The following PRDM11 variants were observed in gnomAD, a reference collection of about 807,000 sequenced individuals.
PRDM11 encodes the protein PR domain-containing protein 11.
In PRDM11, 20 loss-of-function variants were observed where a neutral mutation model predicts 97.8. The observed-to-expected ratio is 0.20, with a 90% CI of 0.14 to 0.30. The LOEUF is 0.30. Ranked by LOEUF, PRDM11 falls within the 10% of genes least tolerant of loss-of-function variation. The pLI, the probability that PRDM11 is intolerant of heterozygous loss-of-function variation, is 1.00. For synonymous variants in PRDM11, 599 were observed against 637.7 expected (o/e 0.94, Z 0.91); for missense variants, 1,139 against 1,555.2 (o/e 0.73, Z 4.50).
chr11:45,115,996 T>C lies in PRDM11; in HGVS notation c.96+20095T>C, dbSNP rs143089363. Reference sequence around the variant, plus strand: ...TGATATTATTATCAGGTTAAACATGTTTTAAAACAATCAGTATCAGCTGAG... The same window carrying C: ...TGATATTATTATCAGGTTAAACATGCTTTAAAACAATCAGTATCAGCTGAG... On this transcript the variant is annotated intron_variant, in intron 1 of 6. Transcript: ENST00000530656. 6.6e-5 allele frequency among the ~76,000 whole-genome samples: 10 copies of C among 150,384 alleles called. No homozygotes were observed. In the East Asian group the frequency reaches 1.9e-3, roughly 29 times the overall value.
At chr11:45,161,947 A>G (rs528554194) in intron 1 of PRDM11, among the ~76,000 whole-genome samples, 17 of 152,354 alleles carry the variant, frequency 1.1e-4, no homozygotes, top group African/African-American at 3.6e-4. Flanking sequence ...TGGGAATGGT[A>G]GCCAGGCCAT....
chr11:45,190,390 T>C (rs1178572282), intron 4 of PRDM11, among the ~76,000 whole-genome samples: 1 of 151,790 alleles, frequency 6.6e-6, no homozygotes, highest in African/African-American at 2.4e-5. Flanking sequence ...TCAGGCAATC[T>C]GCCCGCCTCG....
intron 4 of PRDM11, among the ~76,000 whole-genome samples, chr11:45,186,949 T>C (rs547701870): frequency 1.6e-4 from 24 of 152,290 alleles, no homozygotes; most frequent in Non-Finnish European, 3.1e-4. Context: ...GAGCAGTTAA[T>C]AGCTACCCTG....
chr11:45,141,737 G>A (rs540632250), upstream of PRDM11, among the ~76,000 whole-genome samples: 22 of 152,294 alleles, frequency 1.4e-4, no homozygotes, highest in East Asian at 5.8e-4. Context: ...TCCTGAGAAC[G>A]GACTGCACTG....
chr11:45,165,956 GCA>G (rs1430232749), intron 1 of PRDM11, among the ~76,000 whole-genome samples: 1 of 152,118 alleles, frequency 6.6e-6, no homozygotes, highest in Non-Finnish European at 1.5e-5. Flanking sequence ...GCTTTGCATT[GCA>G]CAGACTCCAG....
At chr11:45,150,875 C>A (rs935948665) in intron 1 of PRDM11, among the ~76,000 whole-genome samples, 1 of 152,184 alleles carries the variant, frequency 6.6e-6, no homozygotes, top group African/African-American at 2.4e-5. Context: ...ATACCCTGCA[C>A]TGAAAACAGC....
intron 6 of PRDM11, 26 bp from the exon 7 acceptor site, chr11:45,224,191 C>A: frequency 6.5e-7 from 1 of 1,540,942 alleles, no homozygotes; most frequent in South Asian, 1.3e-5. Flanking sequence ...TTCCCCATTT[C>A]CTTACACCCT....
intron 1 of PRDM11, among the ~76,000 whole-genome samples, chr11:45,102,643 C>A (rs1851997866): frequency 6.6e-6 from 1 of 152,156 alleles, no homozygotes; most frequent in East Asian, 1.9e-4. Flanking sequence ...CACCGTGCCA[C>A]AGCCTCCTTC....
intron 1 of PRDM11, among the ~76,000 whole-genome samples, chr11:45,181,368 G>A (rs1852493655): frequency 6.6e-6 from 1 of 152,186 alleles, no homozygotes; most frequent in African/African-American, 2.4e-5. Flanking sequence ...CTACCCCTTG[G>A]CCCAAGTTGG....
Position 45,224,496 on chromosome 11 carries a change from C to A in PRDM11, c.1022C>A (p.Ala341Asp), listed in dbSNP as rs1222812559. Residue 341 changes from alanine (A) to aspartate (D), a missense_variant, in exon 7 of 8, where the codon GCC becomes GAC. Coordinates refer to ENST00000683152, the MANE Select transcript of PRDM11 (RefSeq NM_001384648.1). ...AAAGTCCCCAAATACCAGGATGACG[C>A]CTACAGTCAGTGTGCAACAACAATG... Reference protein sequence around the residue: ...IRKVPKYQDDAYSQCATTMTH... With the variant: ...IRKVPKYQDDDYSQCATTMTH... 3.1e-6 allele frequency: 5 copies of A among 1,614,176 alleles called. No individual in the cohort carries two copies. In the Admixed American group the frequency reaches 8.3e-5, roughly 27 times the overall value.
chr11:45,213,870 G>A (rs1853870448), intron 5 of PRDM11: 1 of 393,736 alleles, frequency 2.5e-6, no homozygotes, highest in South Asian at 1.9e-5. Context: ...ATCTGGAGTA[G>A]TGGGAAGAGG....
chr11:45,112,601 T>C (rs1010757465), intron 1 of PRDM11, among the ~76,000 whole-genome samples: 46 of 152,320 alleles, frequency 3.0e-4, no homozygotes, highest in African/African-American at 1.1e-3. Flanking sequence ...CCAACACCTA[T>C]TGTTTTTTGA....
intron 1 of PRDM11, among the ~76,000 whole-genome samples, chr11:45,172,549 T>G (rs1449796843): frequency 6.6e-6 from 1 of 152,132 alleles, no homozygotes; most frequent in Non-Finnish European, 1.5e-5. Flanking sequence ...TCTGTTTTAT[T>G]AGCCAGGAAC....
At chr11:45,110,940 C>T (rs1417309465) in intron 1 of PRDM11, among the ~76,000 whole-genome samples, 2 of 152,070 alleles carry the variant, frequency 1.3e-5, no homozygotes, top group Admixed American at 6.6e-5. Context: ...CCCTTACCCC[C>T]CTTTTTTTCT....
chr11:45,175,339 C>G (rs1366973103), intron 1 of PRDM11, among the ~76,000 whole-genome samples: 2 of 152,196 alleles, frequency 1.3e-5, no homozygotes, highest in Non-Finnish European at 2.9e-5. Flanking sequence ...CTTTTTACAG[C>G]CTTCGTGATT....
intron 5 of PRDM11, among the ~76,000 whole-genome samples, chr11:45,211,027 G>A (rs964657677): frequency 2.0e-5 from 3 of 152,170 alleles, no homozygotes; most frequent in African/African-American, 4.8e-5. Context: ...GGCAGAGCCC[G>A]CTCACCCCCA....
intron 1 of PRDM11, among the ~76,000 whole-genome samples, chr11:45,097,606 A>G (rs752761514): frequency 6.6e-6 from 1 of 152,242 alleles, no homozygotes; most frequent in African/African-American, 2.4e-5. Flanking sequence ...TACTGCACAC[A>G]TAGAATCAGA....
intron 1 of PRDM11, among the ~76,000 whole-genome samples, chr11:45,175,526 T>A (rs1852307570): frequency 6.6e-6 from 1 of 152,252 alleles, no homozygotes; most frequent in Admixed American, 6.5e-5. Flanking sequence ...CATTGTATGC[T>A]AATATTTCAT....
At chr11:45,156,718 T>G (rs1371879638) in intron 1 of PRDM11, among the ~76,000 whole-genome samples, 1 of 152,232 alleles carries the variant, frequency 6.6e-6, no homozygotes, top group Non-Finnish European at 1.5e-5. Flanking sequence ...AGGATGCGCC[T>G]GGCTTGCTCA....
Sources: gnomAD v4.1 joint callset for allele counts (sites outside exome capture counted in the v4.1 genomes callset) on GRCh38, gnomAD v4.1.1 for gene constraint, MANE v1.5 for transcripts, NCBI Gene and HGNC (gene_info 2026-07-23, HGNC 2026-07-21) for gene names.